DYNC1I1: variants seen among roughly 807,000 people sequenced by gnomAD.
DYNC1I1 encodes dynein cytoplasmic 1 intermediate chain 1, also known as cytoplasmic dynein 1 intermediate chain 1.
A neutral mutation model predicts 86.6 loss-of-function variants in DYNC1I1; 43 were observed. The observed-to-expected ratio is 0.50, with a 90% CI of 0.39 to 0.64. The LOEUF (loss-of-function observed/expected upper bound fraction) is 0.64. Among genes scored for constraint, DYNC1I1 ranks in the 30% least tolerant of loss-of-function variants. The pLI, the probability that DYNC1I1 is intolerant of heterozygous loss-of-function variation, is 0.00. For missense variants in DYNC1I1, 604 were observed against 788.8 expected (o/e 0.77, Z 2.81); for synonymous variants, 262 against 283.7 (o/e 0.92, Z 0.77).
At position 96,046,750 on chromosome 7, in the gene DYNC1I1, G is replaced by T. The variant is rs78025143; in HGVS notation, c.1509+7329G>T. Among the ~76,000 whole-genome samples, 993 of 152,308 alleles carry T rather than the reference G, an allele frequency of 6.5e-3. 14 individuals carry two copies. Among genetic ancestry groups the T allele is most frequent in the African/African-American group, 0.023 (964 of 41,568 alleles). ...ACCAGATGCAGTGACCAGCAGACCT[G>T]ATTTGAGAGGGGAGTCAGTGATGAT... On this transcript the variant is annotated intron_variant, in intron 14 of 16. Coordinates refer to ENST00000447467, the MANE Select transcript of DYNC1I1 (RefSeq NM_001135556.2).
intron 6 of DYNC1I1, among the ~76,000 whole-genome samples, chr7:95,880,646 T>C (rs913929845): frequency 4.2e-5 from 6 of 143,258 alleles, no homozygotes; most frequent in African/African-American, 1.5e-4. Context: ...CTTACTTTTT[T>C]TTTTTTTTTT....
chr7:96,036,531 G>A (rs753708963), intron 13 of DYNC1I1, among the ~76,000 whole-genome samples: 2 of 152,086 alleles, frequency 1.3e-5, no homozygotes, highest in Admixed American at 6.6e-5. Context: ...AGCATTAATC[G>A]TATTTTAGTT....
chr7:96,005,126 G>A (rs1469363083), intron 10 of DYNC1I1, among the ~76,000 whole-genome samples: 1 of 152,296 alleles, frequency 6.6e-6, no homozygotes, highest in African/African-American at 2.4e-5. Flanking sequence ...CAATCAGTTT[G>A]TATGGGATTC....
chr7:96,047,434 T>C (rs1789251924), intron 14 of DYNC1I1, among the ~76,000 whole-genome samples: 1 of 152,204 alleles, frequency 6.6e-6, no homozygotes, highest in Non-Finnish European at 1.5e-5. Flanking sequence ...GACCTGCTGA[T>C]GCTGCAGGTG....
intron 6 of DYNC1I1, among the ~76,000 whole-genome samples, chr7:95,889,928 A>T (rs557287375): frequency 6.6e-6 from 1 of 152,348 alleles, no homozygotes; most frequent in East Asian, 1.9e-4. Flanking sequence ...GTCTATTATT[A>T]AAAGGTCAAA....
intron 5 of DYNC1I1, among the ~76,000 whole-genome samples, chr7:95,830,795 A>C (rs1584259850): frequency 6.6e-6 from 1 of 152,166 alleles, no homozygotes; most frequent in African/African-American, 2.4e-5. Context: ...TGTTTTCAAA[A>C]TGGTTTTACC....
intron 6 of DYNC1I1, among the ~76,000 whole-genome samples, chr7:95,882,461 C>G (rs1172989284): frequency 1.3e-5 from 2 of 152,194 alleles, no homozygotes; most frequent in Non-Finnish European, 2.9e-5. Context: ...CTGTTTCCCT[C>G]TATCCATAGT....
chr7:95,957,109 G>A (rs1019064642), intron 6 of DYNC1I1, among the ~76,000 whole-genome samples: 4 of 152,224 alleles, frequency 2.6e-5, no homozygotes, highest in Middle Eastern at 3.4e-3. Context: ...ATCTTGGTTT[G>A]CAATAGGGGC....
intron 6 of DYNC1I1, among the ~76,000 whole-genome samples, chr7:95,950,458 T>C (rs1792522448): frequency 6.6e-6 from 1 of 152,158 alleles, no homozygotes; most frequent in Non-Finnish European, 1.5e-5. Context: ...GGCTTTAGTG[T>C]GGGATCATCA....
chr7:95,996,175 A>T, intron 10 of DYNC1I1, 102 bp downstream of exon 10: 8 of 1,539,058 alleles, frequency 5.2e-6, no homozygotes, highest in Non-Finnish European at 7.0e-6. Flanking sequence ...AACTCAGTTT[A>T]AAAATGAAAT....
chr7:96,081,019 G>A (rs1055106345), intron 16 of DYNC1I1, among the ~76,000 whole-genome samples: 7 of 142,418 alleles, frequency 4.9e-5, no homozygotes, highest in South Asian at 2.2e-4. Flanking sequence ...GCAGTGAGCC[G>A]AGATTGCACC....
Position 95,977,506 on chromosome 7 carries a change from T to C in DYNC1I1, c.491-6T>C, listed in dbSNP as rs1221117768. The C allele has an allele frequency of 1.2e-6, 2 of 1,611,170 alleles. No individual in the cohort carries two copies. Among genetic ancestry groups the C allele is most frequent in the Admixed American group, 1.7e-5 (1 of 59,510 alleles). ...AATATTGTATTTTTCTCTTTCTTTT[T>C]TCTAGAGGATGAGGAAGATGAGGAA... On this transcript the variant is annotated splice_region_variant and splice_polypyrimidine_tract_variant and intron_variant, in intron 6 of 16. Transcript: ENST00000447467.
chr7:96,073,562 C>T (rs1390389511), intron 14 of DYNC1I1, among the ~76,000 whole-genome samples: 1 of 152,154 alleles, frequency 6.6e-6, no homozygotes, highest in Non-Finnish European at 1.5e-5. Context: ...TAAGGATTTG[C>T]AATTGTGTTA....
At position 95,860,367 on chromosome 7, in the gene DYNC1I1, G is replaced by A. The variant is rs555729463; in HGVS notation, c.375-9516G>A. ...GAAGGAAGAAAATAGCACCATTATC[G>A]CTCTCATTCTGAGGGGCTCATCTTT... On this transcript the variant is annotated intron_variant, in intron 5 of 16. Transcript: ENST00000447467. Among the ~76,000 whole-genome samples, 17 of 152,184 alleles carry A rather than the reference G, an allele frequency of 1.1e-4. No individual in the cohort carries two copies. The South Asian group carries it at 3.5e-3, about 32-fold the overall frequency.
chr7:96,056,223 T>C (rs1218257907), intron 14 of DYNC1I1: 1 of 152,138 alleles, frequency 6.6e-6, no homozygotes, highest in Non-Finnish European at 1.5e-5. Context: ...AGTTTTGCTG[T>C]CTTCTGCTAT....
intron 6 of DYNC1I1, among the ~76,000 whole-genome samples, chr7:95,964,109 G>A (rs1010145860): frequency 6.6e-6 from 1 of 152,144 alleles, no homozygotes; most frequent in African/African-American, 2.4e-5. Context: ...AAACAAATGT[G>A]CTAATGATCT....
intron 11 of DYNC1I1, among the ~76,000 whole-genome samples, chr7:96,030,923 T>C (rs1330551393): frequency 6.6e-6 from 1 of 152,076 alleles, no homozygotes. Context: ...TGGGATAACA[T>C]TTAGCTTCAG....
At chr7:95,961,286 G>A (rs1792860194) in intron 6 of DYNC1I1, among the ~76,000 whole-genome samples, 1 of 152,186 alleles carries the variant, frequency 6.6e-6, no homozygotes, top group South Asian at 2.1e-4. Context: ...TCCATCAGCT[G>A]GCTGTGCAAG....
chr7:95,784,323 A>C (rs896173091), intron 1 of DYNC1I1, among the ~76,000 whole-genome samples: 5 of 152,190 alleles, frequency 3.3e-5, no homozygotes, highest in East Asian at 1.9e-4. Flanking sequence ...TTGTGACTGA[A>C]TCATGGAGGC....
Sources: allele counts gnomAD v4.1 joint callset (sites outside exome capture counted in the v4.1 genomes callset), GRCh38; gene constraint gnomAD v4.1.1; transcripts MANE v1.5; gene names NCBI Gene and HGNC (gene_info 2026-07-23, HGNC 2026-07-21).